The following RB1CC1 variants were observed in gnomAD, a reference collection of about 807,000 sequenced individuals.
RB1CC1 encodes RB1-inducible coiled-coil protein 1.
RB1CC1 carries 46 observed loss-of-function variants against 177.5 expected under a neutral mutation model. That is an observed-to-expected ratio of 0.26 (90% CI 0.20 to 0.33). The LOEUF is 0.33. Among genes scored for constraint, RB1CC1 ranks in the 10% least tolerant of loss-of-function variants. The pLI is 1.00. For missense variants in RB1CC1, 1,703 were observed against 1,816.3 expected, an observed-to-expected ratio of 0.94 and a Z score of 1.13; for synonymous variants, 666 against 613.6, an observed-to-expected ratio of 1.09 and a Z score of -1.26.
rs116969720 is a variant in RB1CC1, at chr8:52,654,494, G to A, written c.3821+1514C>T. On this transcript the variant is annotated intron_variant, in intron 15 of 23. Coordinates refer to ENST00000025008, the MANE Select transcript of RB1CC1 (RefSeq NM_014781.5). Reference sequence around the variant, plus strand: ...CTATCCATTTTGTGATGCAGATTGAGTCAGACTGGTGCTTTGAAGAGATTC... The same window carrying A: ...CTATCCATTTTGTGATGCAGATTGAATCAGACTGGTGCTTTGAAGAGATTC... Among the ~76,000 whole-genome samples, 90 of 152,318 alleles carry A rather than the reference G, an allele frequency of 5.9e-4. 1 individual carries two copies. In the East Asian group the frequency reaches 0.016, roughly 27 times the overall value.
chr8:52,663,572 G>A (rs867578036), intron 8 of RB1CC1, among the ~76,000 whole-genome samples: 5 of 151,994 alleles, frequency 3.3e-5, no homozygotes, highest in African/African-American at 7.2e-5. Flanking sequence ...ATTATACTAC[G>A]TTGTAAATGT....
At chr8:52,709,497 G>A (rs1324104444) in intron 1 of RB1CC1, among the ~76,000 whole-genome samples, 3 of 152,158 alleles carry the variant, frequency 2.0e-5, no homozygotes, top group Non-Finnish European at 4.4e-5. Flanking sequence ...CCAGCACTTT[G>A]GGAGGCCGAG....
At chr8:52,678,601 G>A (rs1010163955) in intron 5 of RB1CC1, among the ~76,000 whole-genome samples, 2 of 152,094 alleles carry the variant, frequency 1.3e-5, no homozygotes, top group African/African-American at 4.8e-5. Flanking sequence ...CAACGAAAGA[G>A]GAAGTATTTT....
chr8:52,689,923 CTCTT>C (rs1024667056), intron 1 of RB1CC1, among the ~76,000 whole-genome samples: 1 of 151,844 alleles, frequency 6.6e-6, no homozygotes, highest in African/African-American at 2.4e-5. Flanking sequence ...CAGAGCCAGA[CTCTT>C]TCTCAAAAGA....
intron 15 of RB1CC1, among the ~76,000 whole-genome samples, chr8:52,650,315 A>G (rs1850457209): frequency 6.6e-6 from 1 of 152,242 alleles, no homozygotes; most frequent in African/African-American, 2.4e-5. Flanking sequence ...TGGGATGCTG[A>G]AGAGAGAGAC....
At chr8:52,660,723 T>C (rs1851536999) in intron 11 of RB1CC1, 66 bp from the exon 12 acceptor site, 2 of 1,418,200 alleles carry the variant, frequency 1.4e-6, no homozygotes. Flanking sequence ...TTATCTCTGG[T>C]TTTTGAAAAG....
chr8:52,693,683 C>T (rs1448476381), intron 1 of RB1CC1, among the ~76,000 whole-genome samples: 1 of 151,966 alleles, frequency 6.6e-6, no homozygotes, highest in Non-Finnish European at 1.5e-5. Flanking sequence ...GACCTTGAGG[C>T]AGAAATACCA....
chr8:52,700,580 T>C (rs1855963753), intron 1 of RB1CC1, among the ~76,000 whole-genome samples: 1 of 152,072 alleles, frequency 6.6e-6, no homozygotes, highest in African/African-American at 2.4e-5. Context: ...ATGTTCTTAA[T>C]TAAGTGTGGA....
intron 15 of RB1CC1, among the ~76,000 whole-genome samples, chr8:52,647,185 A>T (rs980498695): frequency 1.8e-4 from 27 of 152,182 alleles, no homozygotes; most frequent in African/African-American, 4.8e-5. Flanking sequence ...CCTGATAAAA[A>T]TCTAATAACT....
At chr8:52,682,694 C>T (rs1049146159) in intron 5 of RB1CC1, among the ~76,000 whole-genome samples, 5 of 151,820 alleles carry the variant, frequency 3.3e-5, no homozygotes, top group African/African-American at 9.7e-5. Flanking sequence ...GTACACTTTT[C>T]AACCAAATCA....
chr8:52,687,434 A>G (rs1482455645), intron 1 of RB1CC1, among the ~76,000 whole-genome samples: 1 of 152,134 alleles, frequency 6.6e-6, no homozygotes, highest in Non-Finnish European at 1.5e-5. Context: ...CCCACCCTCA[A>G]GTGTAGGCAG....
In RB1CC1 at chr8:52,642,432, C is replaced by G; in HGVS notation, c.4256G>C (p.Gly1419Ala). 1 of 1,614,056 alleles carries G rather than the reference C, an allele frequency of 6.2e-7. No individual in the cohort carries two copies. Among genetic ancestry groups the G allele is most frequent in the Non-Finnish European group, 8.5e-7 (1 of 1,179,962 alleles). ...TTCCACAGCGGATCTATCTGATTCA[C>G]CTGGGAGTTCAGGTGCACAAGCTCC... ...LYGACAPELP[G>A]ESDRSAVETA... The change falls in exon 18 of 24, where the codon GGT becomes GCT. Residue 1419 changes from glycine (G) to alanine (A), a missense_variant. Gly to Ala is a moderately conservative substitution (Grantham distance 60). Coordinates refer to ENST00000025008, the MANE Select transcript of RB1CC1 (RefSeq NM_014781.5).
chr8:52,634,865 A>G, intron 20 of RB1CC1, 56 bp downstream of exon 20: 4 of 1,382,390 alleles, frequency 2.9e-6, no homozygotes, highest in South Asian at 1.2e-5. Flanking sequence ...ATAATGAAAT[A>G]TAATGCAAAT....
chr8:52,665,676 T>C (rs1319682681), intron 8 of RB1CC1, among the ~76,000 whole-genome samples: 1 of 152,182 alleles, frequency 6.6e-6, no homozygotes, highest in African/African-American at 2.4e-5. Context: ...AATGGTAGCC[T>C]GTAATGTCAA....
At chr8:52,684,964 T>C (rs959909647) in intron 3 of RB1CC1, among the ~76,000 whole-genome samples, 9 of 151,570 alleles carry the variant, frequency 5.9e-5, no homozygotes, top group Non-Finnish European at 1.2e-4. Context: ...ATATAAAATA[T>C]GTTGGGATAA....
rs1262453614 is a variant in RB1CC1 at position 52,645,776 on chromosome 8, G to T, written c.3913C>A (p.Gln1305Lys). The change falls in exon 16 of 24, where the codon CAA becomes AAA. Residue 1305 changes from glutamine to lysine, a missense_variant. Gln to Lys is a moderately conservative substitution (Grantham distance 53). Transcript: ENST00000025008. ...LQEEKAKFLE[Q>K]LEEQEKRKNE... is the part of the protein sequence containing the mutation. Reference sequence around the variant, plus strand: ...TTTCTTTTTTCTTGCTCTTCAAGTTGTTCTAGAAACTTAGCTTTTTCTTCC... The same window carrying T: ...TTTCTTTTTTCTTGCTCTTCAAGTTTTTCTAGAAACTTAGCTTTTTCTTCC... 1 of 1,609,102 alleles carries T rather than the reference G, an allele frequency of 6.2e-7. No individual in the cohort carries two copies. The highest frequency in any genetic ancestry group is 1.3e-5 in the African/African-American group (1 of 74,564).
intron 15 of RB1CC1, among the ~76,000 whole-genome samples, chr8:52,655,420 A>G (rs547957420): frequency 5.9e-4 from 90 of 152,270 alleles, no homozygotes; most frequent in African/African-American, 2.1e-3. Context: ...TCTGTGATCA[A>G]AAGGCAGTAA....
rs746149138 is a variant in RB1CC1 at position 52,657,182 on chromosome 8, T to C, written c.2647A>G (p.Lys883Glu). The C allele has an allele frequency of 1.2e-6, 2 of 1,605,508 alleles. No individual in the cohort carries two copies. The highest frequency in any genetic ancestry group is 1.7e-6 in the Non-Finnish European group (2 of 1,173,108). The change falls in exon 15 of 24, where the codon AAG (lysine) becomes GAG (glutamate). Residue 883 changes from lysine (K) to glutamate (E), a missense_variant. Around this residue, in one of 6 missense-constraint regions of RB1CC1, gnomAD observed 1,169 missense variants for 1,184.7 expected, o/e 0.99. Transcript: ENST00000025008. ...TTGTTTTCATTCTCTTCAGTTTCCT[T>C]TATTAGTCCGTCAAGTTTACCTTCA... The part of the protein sequence containing the change: ...EYEGKLDGLI[K>E]ETEENENKIK...
chr8:52,678,971 A>G (rs1853431085), intron 5 of RB1CC1, among the ~76,000 whole-genome samples: 1 of 152,218 alleles, frequency 6.6e-6, no homozygotes. Flanking sequence ...AACCAAATAC[A>G]AAAGGGAAAC....
Sources: gnomAD v4.1 joint callset for allele counts (sites outside exome capture counted in the v4.1 genomes callset) on GRCh38, gnomAD v4.1.1 for gene constraint, gnomAD v4.1.1 regional missense constraint, MANE v1.5 for transcripts, NCBI Gene and HGNC (gene_info 2026-07-23, HGNC 2026-07-21) for gene names.